ANK3: variants seen among roughly 807,000 people sequenced by gnomAD.
The protein encoded by ANK3 is ankyrin 3.
A neutral mutation model predicts 370.9 loss-of-function variants in ANK3; 57 were observed. The ratio of observed to expected loss-of-function variants is 0.15; its 90% CI spans 0.12 to 0.19. ANK3 has a LOEUF of 0.19. Among genes scored for constraint, ANK3 ranks in the 10% least tolerant of loss-of-function variants. ANK3 has a pLI of 1.00. For missense variants in ANK3, 4,439 were observed against 5,302.1 expected, an observed-to-expected ratio of 0.84 and a Z score of 5.06; for synonymous variants, 1,929 against 1,946.3, an observed-to-expected ratio of 0.99 and a Z score of 0.23.
At chr10:60,662,824 A>G (rs993402) in intron 1 of ANK3, among the ~76,000 whole-genome samples, 41,168 of 152,100 alleles carry the variant, frequency 0.27, 6,643 homozygotes, top group South Asian at 0.48. Context: ...ATGGATGAAT[A>G]TATTAAGAGT....
chr10:60,503,213 G>A (rs1008765408), intron 2 of ANK3, among the ~76,000 whole-genome samples: 21 of 151,942 alleles, frequency 1.4e-4, no homozygotes, highest in Admixed American at 2.0e-4. Flanking sequence ...ATTAAATAAC[G>A]GTCATTAGCC....
At chr10:60,137,986 A>G (rs538836428) in intron 24 of ANK3, among the ~76,000 whole-genome samples, 1 of 152,268 alleles carries the variant, frequency 6.6e-6, no homozygotes, top group African/African-American at 2.4e-5. Context: ...TGCTACAATA[A>G]GACTTTAAGG....
intron 1 of ANK3, among the ~76,000 whole-genome samples, chr10:60,344,169 G>C (rs2054894040): frequency 6.6e-6 from 1 of 152,166 alleles, no homozygotes; most frequent in Non-Finnish European, 1.5e-5. Context: ...GGTAACAAAT[G>C]AAAAGAGAAC....
At chr10:60,062,741 G>T in intron 40 of ANK3, 1 of 156,406 alleles carries the variant, frequency 6.4e-6, no homozygotes, top group Non-Finnish European at 1.4e-5. Flanking sequence ...ATGGCTCATC[G>T]TTTGTTTTAC....
chr10:60,051,956 T>C (rs1312606220), intron 42 of ANK3, among the ~76,000 whole-genome samples: 3 of 152,136 alleles, frequency 2.0e-5, no homozygotes, highest in Non-Finnish European at 2.9e-5. Context: ...CCCTTGTAAA[T>C]TGGGCCATAT....
chr10:60,034,997 A>G (rs74153138), intron 43 of ANK3, among the ~76,000 whole-genome samples: 8,753 of 147,988 alleles, frequency 0.059, 875 homozygotes, highest in African/African-American at 0.21. Context: ...ACTTGTGATT[A>G]AAAAGTATCT....
At chr10:60,192,993 G>A (rs2096520217) in intron 16 of ANK3, among the ~76,000 whole-genome samples, 1 of 150,160 alleles carries the variant, frequency 6.7e-6, no homozygotes, top group Admixed American at 6.7e-5. Context: ...AGCAGATAAA[G>A]CCAATACCTA....
intron 40 of ANK3, 127 bp from the exon 41 acceptor site, chr10:60,059,557 G>C (rs1347090647): frequency 8.0e-7 from 1 of 1,245,798 alleles, no homozygotes; most frequent in Non-Finnish European, 1.2e-6. Flanking sequence ...AGAGATTTGA[G>C]TTTCTCTTCC....
chr10:60,705,796 T>C (rs1022244315), intron 1 of ANK3, among the ~76,000 whole-genome samples: 7 of 151,716 alleles, frequency 4.6e-5, no homozygotes, highest in African/African-American at 1.7e-4. Context: ...CCAGTTTTGT[T>C]TTCTACTAGA....
intron 1 of ANK3, among the ~76,000 whole-genome samples, chr10:60,358,692 C>A (rs1049625318): frequency 4.6e-5 from 7 of 152,164 alleles, no homozygotes; most frequent in African/African-American, 1.7e-4. Context: ...GCAGAACAGA[C>A]CCATCAAGGT....
upstream of ANK3, among the ~76,000 whole-genome samples, chr10:60,394,231 C>T (rs897964405): frequency 6.6e-6 from 1 of 150,796 alleles, no homozygotes; most frequent in African/African-American, 2.4e-5. Flanking sequence ...AAAACAAGCG[C>T]TAAACTTGTC....
chr10:60,312,940 C>T (rs952755116), intron 1 of ANK3, among the ~76,000 whole-genome samples: 1 of 152,182 alleles, frequency 6.6e-6, no homozygotes. Context: ...CTTTGCAGTT[C>T]CATGATTGAG....
upstream of ANK3, among the ~76,000 whole-genome samples, chr10:60,391,091 G>A (rs1018341936): frequency 3.9e-5 from 6 of 152,176 alleles, no homozygotes; most frequent in African/African-American, 1.4e-4. Flanking sequence ...CTTGTAGGAC[G>A]CTTTATAGTC....
chr10:60,309,736 C>T (rs2045928221), intron 1 of ANK3, among the ~76,000 whole-genome samples: 1 of 151,936 alleles, frequency 6.6e-6, no homozygotes, highest in Non-Finnish European at 1.5e-5. Context: ...TAGAAATATA[C>T]CAATCCCTTT....
chr10:60,362,681 ACT>A (rs2058790716), intron 1 of ANK3, among the ~76,000 whole-genome samples: 1 of 152,014 alleles, frequency 6.6e-6, no homozygotes, highest in South Asian at 2.1e-4. Context: ...CTCATTCAGC[ACT>A]CTGCATACCT....
In ANK3 at chr10:60,389,841, G is replaced by A; in HGVS notation, c.-303C>T. 3.6e-6 allele frequency: 4 copies of A among 1,109,804 alleles called. No homozygotes were observed. The highest frequency in any genetic ancestry group is 4.4e-6 in the Non-Finnish European group (4 of 909,768). 68.7% of individuals were successfully genotyped at this position (1,109,804 alleles called of 1,614,324 possible). A position where few individuals can be genotyped will look rare whatever the true frequency, so the allele number is the denominator to read the frequency against. Reference sequence around the variant, plus strand: ...CTGGGACAGAGGAAGCTGTATTATGGCTGTATCCCCTGCCACCAGCTGGAA... The same window carrying A: ...CTGGGACAGAGGAAGCTGTATTATGACTGTATCCCCTGCCACCAGCTGGAA... On this transcript the variant is annotated 5_prime_UTR_variant, in exon 1 of 44. Transcript: ENST00000280772.
chr10:60,478,846 G>A (rs1364961674), intron 2 of ANK3, among the ~76,000 whole-genome samples: 1 of 152,062 alleles, frequency 6.6e-6, no homozygotes, highest in Non-Finnish European at 1.5e-5. Flanking sequence ...AATAAGGATT[G>A]TAATATCTAC....
At chr10:60,672,605 C>T (rs1004978590) in intron 1 of ANK3, among the ~76,000 whole-genome samples, 2 of 152,212 alleles carry the variant, frequency 1.3e-5, no homozygotes, top group Admixed American at 6.5e-5. Flanking sequence ...CTCTGTATTT[C>T]TCCAACTGAA....
chr10:60,647,539 A>T (rs2078724906), intron 1 of ANK3, among the ~76,000 whole-genome samples: 1 of 152,134 alleles, frequency 6.6e-6, no homozygotes, highest in Non-Finnish European at 1.5e-5. Flanking sequence ...CACAATATAA[A>T]TACTTAGATG....
Sources: gnomAD v4.1 joint callset for allele counts (sites outside exome capture counted in the v4.1 genomes callset) on GRCh38, gnomAD v4.1.1 for gene constraint, MANE v1.5 for transcripts, NCBI Gene and HGNC (gene_info 2026-07-23, HGNC 2026-07-21) for gene names.